NELL2: variants seen among roughly 807,000 people sequenced by gnomAD.
The protein encoded by NELL2 is protein kinase C-binding protein NELL2.
In NELL2, 41 loss-of-function variants were observed where a neutral mutation model predicts 109.6. The ratio of observed to expected loss-of-function variants is 0.37; its 90% CI spans 0.29 to 0.49. NELL2 has a LOEUF of 0.49. Ranked by LOEUF, NELL2 falls within the 20% of genes least tolerant of loss-of-function variation. The pLI, the probability that NELL2 is intolerant of heterozygous loss-of-function variation, is 0.98. For missense variants in NELL2, 900 were observed against 1,008.3 expected, an observed-to-expected ratio of 0.89 and a Z score of 1.45; for synonymous variants, 355 against 344.7, an observed-to-expected ratio of 1.03 and a Z score of -0.33.
At chr12:44,692,611 C>T (rs1378293959) in intron 12 of NELL2, among the ~76,000 whole-genome samples, 7 of 152,052 alleles carry the variant, frequency 4.6e-5, no homozygotes, top group African/African-American at 9.7e-5. Context: ...GAAGATTCAC[C>T]ATTCTAGATG....
At chr12:44,527,477 G>A (rs1264223596) in intron 16 of NELL2, among the ~76,000 whole-genome samples, 2 of 152,160 alleles carry the variant, frequency 1.3e-5, no homozygotes, top group Non-Finnish European at 2.9e-5. Context: ...TTGTATGAAT[G>A]CAGCTTATAA....
chr12:44,761,144 C>T (rs1365282224), intron 9 of NELL2, among the ~76,000 whole-genome samples: 1 of 152,112 alleles, frequency 6.6e-6, no homozygotes. Context: ...GGCAGATCAC[C>T]TGAGGTCGGG....
chr12:44,855,273 A>G (rs1374167154), intron 2 of NELL2, among the ~76,000 whole-genome samples: 1 of 152,220 alleles, frequency 6.6e-6, no homozygotes, highest in Admixed American at 6.5e-5. Context: ...TCTTAAAAAT[A>G]TAGATTCCTG....
At chr12:44,766,646 A>T (rs1041457659) in intron 9 of NELL2, among the ~76,000 whole-genome samples, 23 of 152,174 alleles carry the variant, frequency 1.5e-4, no homozygotes, top group African/African-American at 5.3e-4. Context: ...CCTATGAATG[A>T]TACCTAGATT....
intron 8 of NELL2, among the ~76,000 whole-genome samples, chr12:44,775,794 ATAAACT>A (rs1941735049): frequency 6.6e-6 from 1 of 152,220 alleles, no homozygotes; most frequent in South Asian, 2.1e-4. Flanking sequence ...GTGTGTACCA[ATAAACT>A]TAAACTTTAT....
At chr12:44,564,563 G>C (rs1401172783) in intron 15 of NELL2, among the ~76,000 whole-genome samples, 3 of 152,146 alleles carry the variant, frequency 2.0e-5, no homozygotes, top group African/African-American at 7.2e-5. Context: ...AGATACAGTT[G>C]TGCCCTATTA....
At chr12:44,688,945 C>T (rs917412799) in intron 12 of NELL2, among the ~76,000 whole-genome samples, 1 of 152,140 alleles carries the variant, frequency 6.6e-6, no homozygotes, top group South Asian at 2.1e-4. Context: ...TTCCATCACA[C>T]TACGAAGAAA....
At chr12:44,625,900 ACTT>A (rs1025478509) in intron 13 of NELL2, among the ~76,000 whole-genome samples, 2 of 152,092 alleles carry the variant, frequency 1.3e-5, no homozygotes, top group African/African-American at 4.8e-5. Flanking sequence ...TAGTATTTTT[ACTT>A]CTTCTGTGAA....
intron 15 of NELL2, among the ~76,000 whole-genome samples, chr12:44,538,720 A>G (rs1420001095): frequency 2.0e-5 from 3 of 152,198 alleles, no homozygotes; most frequent in Non-Finnish European, 2.9e-5. Flanking sequence ...AGTGGAGACA[A>G]GGATAAAGAA....
At chr12:44,876,714 A>T, upstream of NELL2, 1 of 1,547,962 alleles carries the variant, frequency 6.5e-7, no homozygotes, top group Non-Finnish European at 8.7e-7. Context: ...TAAGCAAAGG[A>T]GGGAAGCCCA....
At chr12:44,566,078 G>GA (rs1417357651) in intron 15 of NELL2, among the ~76,000 whole-genome samples, 1 of 152,142 alleles carries the variant, frequency 6.6e-6, no homozygotes, top group Non-Finnish European at 1.5e-5. Context: ...TCAGATGAGG[G>GA]ATGATAAGAA....
intron 15 of NELL2, among the ~76,000 whole-genome samples, chr12:44,571,223 G>C (rs923937936): frequency 6.6e-6 from 1 of 152,102 alleles, no homozygotes; most frequent in Admixed American, 6.5e-5. Flanking sequence ...AGTAGTAAAT[G>C]GGGCAATCGT....
At chr12:44,639,709 T>C (rs1456699223) in intron 13 of NELL2, among the ~76,000 whole-genome samples, 1 of 152,064 alleles carries the variant, frequency 6.6e-6, no homozygotes, top group Non-Finnish European at 1.5e-5. Flanking sequence ...TCCTCTTAAT[T>C]CCCTTCTATT....
At chr12:44,775,812 G>A (rs758165618) in intron 8 of NELL2, among the ~76,000 whole-genome samples, 6 of 152,168 alleles carry the variant, frequency 3.9e-5, no homozygotes, top group Non-Finnish European at 7.3e-5. Context: ...AAACTTTATA[G>A]CATTCCTAAA....
At chr12:44,513,917 C>A (rs1941127508) in intron 19 of NELL2, among the ~76,000 whole-genome samples, 1 of 143,014 alleles carries the variant, frequency 7.0e-6, no homozygotes, top group Non-Finnish European at 1.5e-5. Context: ...CTTAGATATC[C>A]AAAAAGCCCA....
At chr12:44,521,918 T>A (rs1565865685) in intron 18 of NELL2, 82 bp downstream of exon 18, 1 of 1,404,222 alleles carries the variant, frequency 7.1e-7, no homozygotes, top group East Asian at 2.3e-5. Flanking sequence ...TGCTAGGTAT[T>A]GGCAGATGGG....
At chr12:44,769,504 T>C (rs1418469585) in intron 9 of NELL2, among the ~76,000 whole-genome samples, 4 of 152,202 alleles carry the variant, frequency 2.6e-5, no homozygotes, top group Admixed American at 6.5e-5. Context: ...TCCTACCTTG[T>C]TGGTGAGAAA....
intron 9 of NELL2, among the ~76,000 whole-genome samples, chr12:44,730,427 T>C (rs535925592): frequency 1.3e-5 from 2 of 152,154 alleles, no homozygotes; most frequent in Non-Finnish European, 2.9e-5. Context: ...GATGAAATCA[T>C]ACCAGTATCT....
At position 44,723,114 on chromosome 12, in the gene NELL2, G is replaced by A. The variant is rs542278061; in HGVS notation, c.995-8373C>T. Reference sequence around the variant, plus strand: ...TGAGGCAGGAGAATGACATGAACCCGGGAGGCGGAGCTTGCAGTGAGCCGA... The same window carrying A: ...TGAGGCAGGAGAATGACATGAACCCAGGAGGCGGAGCTTGCAGTGAGCCGA... On this transcript the variant is annotated intron_variant, in intron 9 of 19. Coordinates refer to ENST00000429094, the MANE Select transcript of NELL2 (RefSeq NM_001145108.2). Among the ~76,000 whole-genome samples, 72 of 152,024 alleles carry A rather than the reference G, an allele frequency of 4.7e-4. 3 individuals are homozygous for A. In the South Asian group the frequency reaches 0.012, roughly 25 times the overall value.
Sources: allele counts gnomAD v4.1 joint callset (sites outside exome capture counted in the v4.1 genomes callset), GRCh38; gene constraint gnomAD v4.1.1; transcripts MANE v1.5; gene names NCBI Gene and HGNC (gene_info 2026-07-23, HGNC 2026-07-21).